Variants in SH3PXD2A observed in about 807,000 individuals in gnomAD.
SH3PXD2A encodes the protein SH3 and PX domain-containing protein 2A.
SH3PXD2A carries 32 observed loss-of-function variants against 115.2 expected under a neutral mutation model. That is an observed-to-expected ratio of 0.28 (90% CI 0.21 to 0.37). SH3PXD2A has a LOEUF of 0.37. Ranked by LOEUF, SH3PXD2A falls within the 10% of genes least tolerant of loss-of-function variation. The pLI is 1.00. For synonymous variants in SH3PXD2A, 610 were observed against 629.1 expected, an observed-to-expected ratio of 0.97 and a Z score of 0.45; for missense variants, 1,328 against 1,498.7, an observed-to-expected ratio of 0.89 and a Z score of 1.88.
chr10:103,720,842 A>T (rs1564872745), intron 5 of SH3PXD2A, among the ~76,000 whole-genome samples: 1 of 152,014 alleles, frequency 6.6e-6, no homozygotes, highest in Admixed American at 6.5e-5. Flanking sequence ...CACACTCTGC[A>T]GGGGAACACA....
chr10:103,701,730 AT>A, intron 5 of SH3PXD2A, among the ~76,000 whole-genome samples: 1 of 36,416 alleles, frequency 2.7e-5, no homozygotes, highest in South Asian at 1.0e-3. Context: ...TCCATCCATC[AT>A]TCATCCAGCC....
Position 103,644,585 on chromosome 10 carries a change from C to CAAA in SH3PXD2A, c.604+16395_604+16397dup, listed in dbSNP as rs34818569. On this transcript the variant is annotated intron_variant, in intron 8 of 14. Coordinates refer to ENST00000369774, the MANE Select transcript of SH3PXD2A (RefSeq NM_001394015.1). ...TGGGCGACAGAGTGAGACCAAGTCTCAAAAAAAAAAAAAAAAAAAGTCTCC... is the reference window on the plus strand; with the variant it reads ...TGGGCGACAGAGTGAGACCAAGTCTCAAAAAAAAAAAAAAAAAAAAAAGTCTCC... Among the ~76,000 whole-genome samples, 117 of 102,460 alleles carry CAAA rather than the reference C, an allele frequency of 1.1e-3. 2 individuals are homozygous for CAAA. The highest frequency in any genetic ancestry group is 3.9e-3 in the African/African-American group (102 of 25,872). The allele number at this position is 102,460 out of a possible 152,430, so 67.2% of individuals were successfully genotyped here.
intron 8 of SH3PXD2A, among the ~76,000 whole-genome samples, chr10:103,631,199 A>T (rs1245582453): frequency 6.6e-6 from 1 of 152,190 alleles, no homozygotes; most frequent in Non-Finnish European, 1.5e-5. Flanking sequence ...CAGGAGTTTA[A>T]GGCTGCAGTG....
intron 3 of SH3PXD2A, among the ~76,000 whole-genome samples, chr10:103,753,582 T>A (rs1182701518): frequency 6.6e-6 from 1 of 151,506 alleles, no homozygotes; most frequent in Admixed American, 6.6e-5. Flanking sequence ...CAGCTCTGCC[T>A]CTTACTAGTT....
At chr10:103,676,908 C>T (rs1252007490) in intron 6 of SH3PXD2A, among the ~76,000 whole-genome samples, 1 of 152,192 alleles carries the variant, frequency 6.6e-6, no homozygotes, top group African/African-American at 2.4e-5. Flanking sequence ...ATCCTCCCTC[C>T]AATTCCCCCA....
At chr10:103,607,584 C>T (rs1203242363) in intron 13 of SH3PXD2A, among the ~76,000 whole-genome samples, 1 of 152,096 alleles carries the variant, frequency 6.6e-6, no homozygotes, top group Non-Finnish European at 1.5e-5. Context: ...AGGGGCGCCT[C>T]TGCCCGGCCG....
chr10:103,815,647 CG>C (rs2039316722), intron 1 of SH3PXD2A, among the ~76,000 whole-genome samples: 1 of 151,578 alleles, frequency 6.6e-6, no homozygotes, highest in Non-Finnish European at 1.5e-5. Flanking sequence ...TCCCAGCACT[CG>C]GGGAGGCCGA....
At chr10:103,842,943 G>A (rs2039614665) in intron 1 of SH3PXD2A, among the ~76,000 whole-genome samples, 1 of 152,168 alleles carries the variant, frequency 6.6e-6, no homozygotes, top group Non-Finnish European at 1.5e-5. Context: ...TAAATGAGAG[G>A]TAAAACAGTT....
chr10:103,700,311 C>T (rs11597695), intron 5 of SH3PXD2A, among the ~76,000 whole-genome samples: 42,015 of 152,122 alleles, frequency 0.28, 6,117 homozygotes, highest in Non-Finnish European at 0.32. Flanking sequence ...ACAGAGCTGT[C>T]GTGGGGATTA....
intron 1 of SH3PXD2A, among the ~76,000 whole-genome samples, chr10:103,819,842 G>C (rs990789169): frequency 6.6e-6 from 1 of 151,986 alleles, no homozygotes; most frequent in African/African-American, 2.4e-5. Context: ...AGGAGGGGGG[G>C]AGATGGGAGC....
At chr10:103,815,634 T>C (rs994746940) in intron 1 of SH3PXD2A, among the ~76,000 whole-genome samples, 2 of 151,894 alleles carry the variant, frequency 1.3e-5, no homozygotes, top group African/African-American at 4.8e-5. Context: ...CTCATGCCTC[T>C]AATCCCAGCA....
chr10:103,742,426 C>T (rs935316545), intron 3 of SH3PXD2A, among the ~76,000 whole-genome samples: 6 of 152,182 alleles, frequency 3.9e-5, no homozygotes, highest in African/African-American at 1.4e-4. Context: ...TAGTGCCCAC[C>T]CTATATCCAG....
chr10:103,814,015 AC>A (rs58574886), intron 1 of SH3PXD2A, among the ~76,000 whole-genome samples: 65,550 of 133,596 alleles, frequency 0.49, 17,014 homozygotes, highest in South Asian at 0.67. Context: ...AAAAAAAAAA[AC>A]AACAAAAAAA....
At chr10:103,643,967 TAGC>T (rs1370665525) in intron 8 of SH3PXD2A, among the ~76,000 whole-genome samples, 1 of 151,612 alleles carries the variant, frequency 6.6e-6, no homozygotes, top group Non-Finnish European at 1.5e-5. Context: ...AAAAAAAAAT[TAGC>T]AGGGCGTGGT....
intron 6 of SH3PXD2A, 132 bp downstream of exon 6, chr10:103,692,896 C>G: frequency 1.4e-6 from 1 of 734,010 alleles, no homozygotes; most frequent in Non-Finnish European, 2.3e-6. Flanking sequence ...CCTGGCCCGG[C>G]AGGACCCGTA....
chr10:103,698,150 C>A (rs1254975447), intron 5 of SH3PXD2A, among the ~76,000 whole-genome samples: 1 of 152,188 alleles, frequency 6.6e-6, no homozygotes, highest in Non-Finnish European at 1.5e-5. Flanking sequence ...TGCCATCCTG[C>A]CGTTCAGAGT....
intron 3 of SH3PXD2A, among the ~76,000 whole-genome samples, chr10:103,745,746 C>T (rs755723211): frequency 2.0e-4 from 31 of 152,184 alleles, no homozygotes; most frequent in Non-Finnish European, 3.8e-4. Flanking sequence ...CCTCAGCCTG[C>T]GGCTGCCCTT....
At chr10:103,676,697 A>T (rs1171322088) in intron 6 of SH3PXD2A, among the ~76,000 whole-genome samples, 1 of 152,064 alleles carries the variant, frequency 6.6e-6, no homozygotes, top group Non-Finnish European at 1.5e-5. Context: ...AGCCTCTCTG[A>T]TCCCAGCAGC....
At chr10:103,681,560 A>G (rs1230609240) in intron 6 of SH3PXD2A, among the ~76,000 whole-genome samples, 1 of 152,268 alleles carries the variant, frequency 6.6e-6, no homozygotes, top group Non-Finnish European at 1.5e-5. Context: ...CCTGGCCAAC[A>G]TGGTGTAACC....
Sources: gnomAD v4.1 joint callset for allele counts (sites outside exome capture counted in the v4.1 genomes callset) on GRCh38, gnomAD v4.1.1 for gene constraint, MANE v1.5 for transcripts, NCBI Gene and HGNC (gene_info 2026-07-23, HGNC 2026-07-21) for gene names.